Variants in NMNAT3 observed in about 807,000 individuals in gnomAD.
The protein encoded by NMNAT3 is nicotinamide nucleotide adenylyltransferase 3, also known as nicotinamide/nicotinic acid mononucleotide adenylyltransferase 3.
Under a neutral mutation model 24.8 loss-of-function variants are expected in NMNAT3, and 21 were observed. The ratio of observed to expected loss-of-function variants is 0.85; its 90% CI spans 0.60 to 1.22. The LOEUF (loss-of-function observed/expected upper bound fraction) is 1.22, where lower values mean the gene tolerates loss of function less well. Ranked by LOEUF, NMNAT3 falls within the 50% of genes most tolerant of loss-of-function variation. The pLI, the probability that NMNAT3 is intolerant of heterozygous loss-of-function variation, is 0.00. For synonymous variants in NMNAT3, 136 were observed against 155.2 expected (o/e 0.88, Z 0.92); for missense variants, 387 against 436.6 (o/e 0.89, Z 1.01).
Position 139,659,002 on chromosome 3 carries a change from C to T in NMNAT3, c.-141+18703G>A, listed in dbSNP as rs139600854. Among the ~76,000 whole-genome samples, 620 of 152,302 alleles carry T rather than the reference C, an allele frequency of 4.1e-3. 5 individuals carry two copies. The highest frequency in any genetic ancestry group is 0.014 in the African/African-American group (575 of 41,546). ...CAGACACATTTTACCTCTTTTAGAACTTTAAATATAAATAGAATCACACTG... is the reference window on the plus strand; with the variant it reads ...CAGACACATTTTACCTCTTTTAGAATTTTAAATATAAATAGAATCACACTG... On this transcript the variant is annotated intron_variant, in intron 1 of 6. Transcript: ENST00000643695.
At chr3:139,675,986 G>A (rs1219448072) in intron 1 of NMNAT3, among the ~76,000 whole-genome samples, 1 of 152,240 alleles carries the variant, frequency 6.6e-6, no homozygotes, top group Non-Finnish European at 1.5e-5. Context: ...GAGCTGAGAA[G>A]TGCCAGGTCT....
intron 2 of NMNAT3, among the ~76,000 whole-genome samples, chr3:139,631,983 A>G (rs2056319030): frequency 1.3e-5 from 2 of 152,072 alleles, no homozygotes; most frequent in Non-Finnish European, 2.9e-5. Flanking sequence ...ACAGGGTCCC[A>G]CTTTGTTGTC....
chr3:139,662,742 T>C (rs571628802), intron 1 of NMNAT3, among the ~76,000 whole-genome samples: 1 of 152,288 alleles, frequency 6.6e-6, no homozygotes, highest in South Asian at 2.1e-4. Flanking sequence ...TGGTGTCTTC[T>C]ATTGGCCTCT....
chr3:139,576,901 C>CA (rs1468230549), intron 5 of NMNAT3, among the ~76,000 whole-genome samples: 3 of 151,944 alleles, frequency 2.0e-5, no homozygotes, highest in African/African-American at 7.2e-5. Context: ...ACTAAAAATA[C>CA]AAAAAATTAG....
intron 1 of NMNAT3, among the ~76,000 whole-genome samples, chr3:139,648,462 A>T (rs1253230144): frequency 6.6e-6 from 1 of 152,236 alleles, no homozygotes; most frequent in African/African-American, 2.4e-5. Flanking sequence ...CAGGAGGCTG[A>T]AGGCATGAGA....
At chr3:139,619,220 C>T (rs1197654111) in intron 3 of NMNAT3, among the ~76,000 whole-genome samples, 4 of 152,086 alleles carry the variant, frequency 2.6e-5, no homozygotes, top group African/African-American at 9.7e-5. Flanking sequence ...TTGGAAGATG[C>T]AGTAAATATC....
chr3:139,673,232 T>C (rs1053159180), intron 1 of NMNAT3, among the ~76,000 whole-genome samples: 2 of 152,152 alleles, frequency 1.3e-5, no homozygotes, highest in Non-Finnish European at 2.9e-5. Context: ...GTGAGCTGGA[T>C]CCCTGTTTGC....
Position 139,602,941 on chromosome 3 carries a change from C to A in NMNAT3, c.110-19733G>T, listed in dbSNP as rs192115945. Among the ~76,000 whole-genome samples, 561 of 152,188 alleles carry A rather than the reference C, an allele frequency of 3.7e-3. 4 individuals are homozygous for A. The highest frequency in any genetic ancestry group is 6.5e-3 in the Non-Finnish European group (443 of 68,002). ...TTGCAATACAAGACATTTAAAATAA[C>A]CTAAAGTTGCCCATTCTCACTAAGC... is the stretch of plus-strand genomic sequence containing the variant. On this transcript the variant is annotated intron_variant, in intron 3 of 6. Coordinates refer to ENST00000643695, the MANE Select transcript of NMNAT3 (RefSeq NM_001320510.2).
intron 1 of NMNAT3, among the ~76,000 whole-genome samples, chr3:139,660,240 C>A (rs1432612606): frequency 2.0e-5 from 3 of 152,148 alleles, no homozygotes; most frequent in Non-Finnish European, 4.4e-5. Context: ...CTATGGTCCA[C>A]CGGGAATTAA....
intron 5 of NMNAT3, chr3:139,576,116 A>G: frequency 8.1e-7 from 1 of 1,234,744 alleles, no homozygotes; most frequent in East Asian, 6.1e-5. Context: ...TTACTATGTC[A>G]CTATGATGCA....
chr3:139,659,598 A>AG, intron 1 of NMNAT3, among the ~76,000 whole-genome samples: 1 of 138,018 alleles, frequency 7.2e-6, no homozygotes, highest in Non-Finnish European at 1.6e-5. Context: ...ACAAACATAT[A>AG]GGGGGGAGTA....
chr3:139,676,574 A>G (rs1366636829), intron 1 of NMNAT3, among the ~76,000 whole-genome samples: 1 of 152,200 alleles, frequency 6.6e-6, no homozygotes, highest in Non-Finnish European at 1.5e-5. Context: ...AGTGGGTAAG[A>G]ACCCTTTCTC....
At chr3:139,586,318 C>T (rs1036921717) in intron 3 of NMNAT3, among the ~76,000 whole-genome samples, 2 of 152,140 alleles carry the variant, frequency 1.3e-5, no homozygotes, top group Admixed American at 1.3e-4. Flanking sequence ...CAATAGACCC[C>T]TGAGACATGA....
intron 3 of NMNAT3, among the ~76,000 whole-genome samples, chr3:139,598,024 T>C (rs2054555144): frequency 6.6e-6 from 1 of 152,192 alleles, no homozygotes; most frequent in Non-Finnish European, 1.5e-5. Flanking sequence ...TAATGTCTTA[T>C]CTGAAAACAA....
chr3:139,674,881 A>G (rs1440884469), intron 1 of NMNAT3, among the ~76,000 whole-genome samples: 2 of 152,194 alleles, frequency 1.3e-5, no homozygotes, highest in African/African-American at 2.4e-5. Flanking sequence ...TACTGAGGTC[A>G]GTGCTTCATA....
intron 3 of NMNAT3, chr3:139,599,114 C>A: frequency 1.8e-6 from 1 of 549,046 alleles, no homozygotes. Context: ...AATAGCATTC[C>A]AAACTGTAAA....
At chr3:139,595,480 C>CA (rs1272459241) in intron 3 of NMNAT3, among the ~76,000 whole-genome samples, 1 of 152,064 alleles carries the variant, frequency 6.6e-6, no homozygotes, top group Admixed American at 6.6e-5. Context: ...CATATGGAAC[C>CA]AAAAAAGAGC....
chr3:139,591,838 C>T (rs1444870235), intron 3 of NMNAT3, among the ~76,000 whole-genome samples: 4 of 152,182 alleles, frequency 2.6e-5, no homozygotes, highest in Non-Finnish European at 4.4e-5. Flanking sequence ...TCATCAAAGA[C>T]CAAAAGTAGA....
intron 5 of NMNAT3, chr3:139,576,234 A>T: frequency 1.0e-6 from 1 of 984,960 alleles, no homozygotes; most frequent in Non-Finnish European, 1.2e-6. Context: ...CTGGATTTTC[A>T]GTCTTAAAAA....
Sources: gnomAD v4.1 joint callset for allele counts (sites outside exome capture counted in the v4.1 genomes callset) on GRCh38, gnomAD v4.1.1 for gene constraint, MANE v1.5 for transcripts, NCBI Gene and HGNC (gene_info 2026-07-23, HGNC 2026-07-21) for gene names.